The following FAF1 variants were observed in gnomAD, a reference collection of about 807,000 sequenced individuals.
The protein encoded by FAF1 is FAS-associated factor 1.
In FAF1, 25 loss-of-function variants were observed where a neutral mutation model predicts 92.5. That is an observed-to-expected ratio of 0.27 (90% CI 0.20 to 0.38). The LOEUF is 0.38. Among genes scored for constraint, FAF1 ranks in the 10% least tolerant of loss-of-function variants. The probability of loss-of-function intolerance (pLI) is 1.00; values close to 1 mark genes in which losing one functional copy is unlikely to be tolerated. For missense variants in FAF1, 636 were observed against 793.3 expected, an observed-to-expected ratio of 0.80 and a Z score of 2.38; for synonymous variants, 234 against 273.2, an observed-to-expected ratio of 0.86 and a Z score of 1.42.
chr1:50,819,863 G>T (rs1231996794), intron 2 of FAF1, among the ~76,000 whole-genome samples: 1 of 137,100 alleles, frequency 7.3e-6, no homozygotes, highest in African/African-American at 2.7e-5. Flanking sequence ...GCACTTACTA[G>T]GAAATTTATT....
At chr1:50,677,659 C>G (rs1373481849) in intron 7 of FAF1, among the ~76,000 whole-genome samples, 3 of 151,974 alleles carry the variant, frequency 2.0e-5, no homozygotes, top group Non-Finnish European at 4.4e-5. Flanking sequence ...CTTTGGGAGG[C>G]CAAGGTGGGT....
chr1:50,801,641 T>C lies in FAF1; in HGVS notation c.151A>G (p.Ile51Val). 1.3e-6 allele frequency: 2 copies of C among 1,582,792 alleles called. No individual in the cohort carries two copies. The highest frequency in any genetic ancestry group is 1.7e-6 in the Non-Finnish European group (2 of 1,151,876). The change falls in exon 3 of 19, where the codon ATT becomes GTT. Residue 51 changes from isoleucine (I) to valine (V), a missense_variant. Physicochemically the swap from Ile to Val is conservative, Grantham distance 29. Transcript: ENST00000396153. ...CACTTTATAACATACCTTTGTAGAATGCCATTTTCCTGTGGTATTACACCA... is the reference window on the plus strand; with the variant it reads ...CACTTTATAACATACCTTTGTAGAACGCCATTTTCCTGTGGTATTACACCA... ...INGVIPQENG[I>V]LQSEYGGETI...
chr1:50,510,674 C>T (rs184385482), intron 15 of FAF1, among the ~76,000 whole-genome samples: 19 of 152,190 alleles, frequency 1.2e-4, no homozygotes, highest in African/African-American at 4.6e-4. Context: ...AATACTTAAA[C>T]TGTAAACACA....
At chr1:50,590,711 G>A (rs1651462129) in intron 9 of FAF1, among the ~76,000 whole-genome samples, 1 of 152,186 alleles carries the variant, frequency 6.6e-6, no homozygotes, top group South Asian at 2.1e-4. Flanking sequence ...GCCGGGCGCC[G>A]TGGCTCACGC....
chr1:50,723,551 A>G (rs1039877941), intron 6 of FAF1, among the ~76,000 whole-genome samples: 1 of 152,188 alleles, frequency 6.6e-6, no homozygotes, highest in Non-Finnish European at 1.5e-5. Context: ...TAGAGTGGCT[A>G]GAATGGCCTC....
At chr1:50,670,069 C>T (rs1026382866) in intron 7 of FAF1, among the ~76,000 whole-genome samples, 5 of 146,858 alleles carry the variant, frequency 3.4e-5, no homozygotes, top group Non-Finnish European at 5.9e-5. Flanking sequence ...TGCGGTGAGC[C>T]GAGATTGCGC....
At chr1:50,715,760 A>G (rs1347284912) in intron 6 of FAF1, among the ~76,000 whole-genome samples, 1 of 152,138 alleles carries the variant, frequency 6.6e-6, no homozygotes, top group Non-Finnish European at 1.5e-5. Context: ...ATGAGTACCA[A>G]TGTAATTTTA....
chr1:50,671,495 C>T (rs969692625), intron 7 of FAF1, among the ~76,000 whole-genome samples: 6 of 151,888 alleles, frequency 4.0e-5, no homozygotes, highest in East Asian at 3.9e-4. Context: ...ATTCACAAAA[C>T]GATTGCTTGA....
intron 2 of FAF1, among the ~76,000 whole-genome samples, chr1:50,820,340 T>C (rs1324959941): frequency 6.6e-6 from 1 of 152,172 alleles, no homozygotes; most frequent in African/African-American, 2.4e-5. Flanking sequence ...CCAGGCTTAA[T>C]GGGGTATAAC....
chr1:50,616,623 T>C (rs1294333350), intron 8 of FAF1, among the ~76,000 whole-genome samples: 1 of 152,188 alleles, frequency 6.6e-6, no homozygotes, highest in Non-Finnish European at 1.5e-5. Context: ...TGTTCTTAGT[T>C]TGACTCTCAG....
chr1:50,442,466 A>T (rs1370011545), intron 18 of FAF1, among the ~76,000 whole-genome samples: 2 of 152,200 alleles, frequency 1.3e-5, no homozygotes, highest in African/African-American at 4.8e-5. Flanking sequence ...TAATTAGCAA[A>T]GTGTCTTGCC....
intron 18 of FAF1, among the ~76,000 whole-genome samples, chr1:50,455,481 G>C (rs907325454): frequency 6.6e-6 from 1 of 152,186 alleles, no homozygotes; most frequent in Non-Finnish European, 1.5e-5. Flanking sequence ...CAGAGACACT[G>C]TCATATAAAA....
chr1:50,729,058 A>ATATATATTTT (rs1375923156), intron 6 of FAF1, among the ~76,000 whole-genome samples: 14 of 70,108 alleles, frequency 2.0e-4, no homozygotes, highest in African/African-American at 5.9e-4. Context: ...ATATATATAT[A>ATATATATTTT]TTTTTTTTTT....
intron 18 of FAF1, among the ~76,000 whole-genome samples, chr1:50,446,538 A>G (rs144233127): frequency 1.0e-3 from 156 of 152,288 alleles, no homozygotes; most frequent in African/African-American, 3.5e-3. Flanking sequence ...GATAAGGGAT[A>G]CTCCACCTGT....
chr1:50,591,059 A>G (rs1348857059), intron 9 of FAF1, among the ~76,000 whole-genome samples: 1 of 151,448 alleles, frequency 6.6e-6, no homozygotes, highest in Non-Finnish European at 1.5e-5. Context: ...TCAGTCTTTC[A>G]CCCTTGAGTA....
chr1:50,702,122 G>A (rs144872404), intron 7 of FAF1, among the ~76,000 whole-genome samples: 173 of 152,078 alleles, frequency 1.1e-3, no homozygotes, highest in African/African-American at 3.7e-3. Context: ...TAGTAAGGCC[G>A]ATAACAAAGA....
intron 15 of FAF1, among the ~76,000 whole-genome samples, chr1:50,497,651 G>C (rs1646917018): frequency 7.1e-6 from 1 of 140,918 alleles, no homozygotes; most frequent in Admixed American, 8.0e-5. Context: ...CCAGGTTTAA[G>C]CAATTCTCTG....
intron 18 of FAF1, chr1:50,471,075 G>C (rs988029521): frequency 6.6e-6 from 1 of 152,212 alleles, no homozygotes; most frequent in African/African-American, 2.4e-5. Context: ...TGGTATGAAG[G>C]CTGAAACAAG....
intron 2 of FAF1, among the ~76,000 whole-genome samples, chr1:50,817,109 G>C (rs192162567): frequency 3.0e-4 from 46 of 152,234 alleles, no homozygotes; most frequent in African/African-American, 1.1e-3. Flanking sequence ...TTGAAGTCGG[G>C]TAATGTGATG....
Sources: gnomAD v4.1 joint callset for allele counts (sites outside exome capture counted in the v4.1 genomes callset) on GRCh38, gnomAD v4.1.1 for gene constraint, MANE v1.5 for transcripts, NCBI Gene and HGNC (gene_info 2026-07-23, HGNC 2026-07-21) for gene names.